BRINP2: variants seen among roughly 807,000 people sequenced by gnomAD.
The protein encoded by BRINP2 is BMP/retinoic acid inducible neural specific 2.
BRINP2 carries 21 observed loss-of-function variants against 69.2 expected under a neutral mutation model. The ratio of observed to expected loss-of-function variants is 0.30; its 90% CI spans 0.22 to 0.44. The LOEUF is 0.44. BRINP2 is among the 20% of genes least tolerant of loss of function. The pLI is 1.00. For synonymous variants in BRINP2, 380 were observed against 394.1 expected (o/e 0.96, Z 0.42); for missense variants, 877 against 986.0 (o/e 0.89, Z 1.48).
At chr1:177,262,149 G>A (rs138388434) in intron 4 of BRINP2, among the ~76,000 whole-genome samples, 1 of 152,332 alleles carries the variant, frequency 6.6e-6, no homozygotes, top group East Asian at 1.9e-4. Flanking sequence ...GGGGAGCGAT[G>A]TGGGGTCATG....
intron 1 of BRINP2, among the ~76,000 whole-genome samples, chr1:177,224,610 G>A (rs1649640330): frequency 6.6e-6 from 1 of 150,910 alleles, no homozygotes; most frequent in South Asian, 2.1e-4. Context: ...TTTAATAGCT[G>A]TAATTCATAT....
chr1:177,275,635 C>T (rs570393296), intron 5 of BRINP2, among the ~76,000 whole-genome samples: 1 of 152,328 alleles, frequency 6.6e-6, no homozygotes, highest in African/African-American at 2.4e-5. Flanking sequence ...TACCTGGGCA[C>T]TGTATCCCCA....
Position 177,171,589 on chromosome 1 carries a change from C to A in BRINP2, c.-220C>A, listed in dbSNP as rs1647932560. 1 of 152,608 alleles carries A rather than the reference C, an allele frequency of 6.6e-6. No homozygotes were observed. Among genetic ancestry groups the A allele is most frequent in the African/African-American group, 2.4e-5 (1 of 41,414 alleles). 9.5% of individuals were successfully genotyped at this position (152,608 alleles called of 1,614,324 possible). A position where few individuals can be genotyped will look rare whatever the true frequency, so the allele number is the denominator to read the frequency against. On this transcript the variant is annotated 5_prime_UTR_variant, in exon 1 of 8. Transcript: ENST00000361539. ...CGTTTCCCCAAATGAGAAAGAACCA[C>A]AAGAAATCATGAAGTAAAAACTTTG...
chr1:177,211,681 T>C (rs1649226169), intron 1 of BRINP2, among the ~76,000 whole-genome samples: 1 of 152,236 alleles, frequency 6.6e-6, no homozygotes, highest in South Asian at 2.1e-4. Flanking sequence ...CACTGGATCC[T>C]ATCAGCTGGC....
At chr1:177,221,258 G>A (rs1558164757) in intron 1 of BRINP2, among the ~76,000 whole-genome samples, 1 of 152,188 alleles carries the variant, frequency 6.6e-6, no homozygotes, top group African/African-American at 2.4e-5. Context: ...ATAACGCATG[G>A]AAAGTGTTTA....
At chr1:177,223,937 G>A (rs1318240628) in intron 1 of BRINP2, among the ~76,000 whole-genome samples, 1 of 152,122 alleles carries the variant, frequency 6.6e-6, no homozygotes, top group Non-Finnish European at 1.5e-5. Flanking sequence ...GACCTGATGA[G>A]GCTCTACAAA....
At position 177,278,717 on chromosome 1, in the gene BRINP2, C is replaced by A. The variant is rs1017297077; in HGVS notation, c.1167C>A (p.Ile389=). 1 of 1,614,188 alleles carries A rather than the reference C, an allele frequency of 6.2e-7. No individual in the cohort carries two copies. The highest frequency in any genetic ancestry group is 1.7e-5 in the Admixed American group (1 of 60,024). ...TGCTGTTCAAAAAGACCCATCGGAT[C>A]CTACGCCGGCTCTTCAACCTCTGCA... The part of the protein sequence containing the change: ...LKVLFKKTHR[I]LRRLFNLCKR... The change falls in exon 7 of 8, where the codon ATC becomes ATA. Residue 389 remains isoleucine (I), a synonymous_variant. Transcript: ENST00000361539.
chr1:177,208,755 C>T (rs983996201), intron 1 of BRINP2, among the ~76,000 whole-genome samples: 4 of 152,132 alleles, frequency 2.6e-5, no homozygotes, highest in African/African-American at 9.7e-5. Context: ...GTGACACTGA[C>T]GTGTTTGGGT....
At chr1:177,197,579 A>C (rs1648783773) in intron 1 of BRINP2, among the ~76,000 whole-genome samples, 1 of 152,216 alleles carries the variant, frequency 6.6e-6, no homozygotes, top group South Asian at 2.1e-4. Context: ...CTTTGCCAGG[A>C]AACAAACTGT....
At chr1:177,237,818 C>T (rs895207068) in intron 2 of BRINP2, among the ~76,000 whole-genome samples, 6 of 152,000 alleles carry the variant, frequency 3.9e-5, no homozygotes, top group East Asian at 1.9e-4. Context: ...AGACTTCATC[C>T]GGAAACTGTC....
intron 1 of BRINP2, among the ~76,000 whole-genome samples, chr1:177,181,817 A>G (rs1264198021): frequency 6.6e-6 from 1 of 152,146 alleles, no homozygotes; most frequent in African/African-American, 2.4e-5. Context: ...CCGCGGAGCA[A>G]GGGCAGCCTC....
At chr1:177,177,749 T>C (rs1010265903) in intron 1 of BRINP2, among the ~76,000 whole-genome samples, 9 of 152,232 alleles carry the variant, frequency 5.9e-5, no homozygotes, top group African/African-American at 1.7e-4. Flanking sequence ...AAAATAGTAA[T>C]GCTAGATCTC....
Position 177,280,841 on chromosome 1 carries a change from G to C in BRINP2, c.1665G>C (p.Lys555Asn). ...GGAAGCGCATGCTGCTCACCCTGAA[G>C]AGCAACAAGTACAAGCCTGGGCTGG... ...SWRKRMLLTL[K>N]SNKYKPGLVH... Residue 555 changes from lysine (K) to asparagine (N), a missense_variant, in exon 8 of 8, where the codon AAG becomes AAC. This residue lies in a region of BRINP2 where 86 missense variants were observed against 142.1 expected (regional missense o/e 0.61). Transcript: ENST00000361539. 6.2e-7 allele frequency: 1 copy of C among 1,614,046 alleles called. No individual in the cohort carries two copies. The highest frequency in any genetic ancestry group is 8.5e-7 in the Non-Finnish European group (1 of 1,179,942).
intron 2 of BRINP2, among the ~76,000 whole-genome samples, chr1:177,255,506 A>C (rs1236210234): frequency 6.6e-6 from 1 of 152,238 alleles, no homozygotes; most frequent in Non-Finnish European, 1.5e-5. Context: ...CTGACTTCAC[A>C]GGTGAGTAAC....
chr1:177,252,187 C>T (rs1293485078), intron 2 of BRINP2, among the ~76,000 whole-genome samples: 3 of 152,140 alleles, frequency 2.0e-5, no homozygotes, highest in African/African-American at 7.2e-5. Context: ...TAAAGCTTAG[C>T]ATTTGCTGCA....
rs569736548 is a variant in BRINP2, at chr1:177,212,351, C to T, written c.-76-17450C>T. Among the ~76,000 whole-genome samples the T allele has an allele frequency of 1.6e-4, 25 of 152,154 alleles. No homozygotes were observed. In the South Asian group the frequency reaches 4.8e-3, roughly 29 times the overall value. ...ACAAGGTCAGGAGATCGAGACCATC[C>T]CAGCTAACACAGTGAAACCCCATCT... On this transcript the variant is annotated intron_variant, in intron 1 of 7. Transcript: ENST00000361539.
intron 1 of BRINP2, among the ~76,000 whole-genome samples, chr1:177,207,077 A>C (rs487768): frequency 2.6e-5 from 4 of 151,912 alleles, no homozygotes; most frequent in African/African-American, 9.7e-5. Flanking sequence ...CTAGCACATC[A>C]GGCCTTTCAA....
chr1:177,221,369 C>T (rs1649527913), intron 1 of BRINP2, among the ~76,000 whole-genome samples: 1 of 152,042 alleles, frequency 6.6e-6, no homozygotes, highest in Non-Finnish European at 1.5e-5. Flanking sequence ...AAAATTTTAC[C>T]ATTGACACAC....
At chr1:177,257,117 A>G (rs757440834) in intron 3 of BRINP2, 59 bp from the exon 4 acceptor site, 29 of 1,604,516 alleles carry the variant, frequency 1.8e-5, no homozygotes, top group African/African-American at 1.3e-4. Flanking sequence ...TTATGTTCCT[A>G]TTGGTAGGGG....
Sources: allele counts gnomAD v4.1 joint callset (sites outside exome capture counted in the v4.1 genomes callset), GRCh38; gene constraint gnomAD v4.1.1; regional missense constraint gnomAD v4.1.1; transcripts MANE v1.5; gene names NCBI Gene and HGNC (gene_info 2026-07-23, HGNC 2026-07-21).